The following GALNTL6 variants were observed in gnomAD, a reference collection of about 807,000 sequenced individuals.
GALNTL6 encodes polypeptide N-acetylgalactosaminyltransferase like 6, also known as polypeptide N-acetylgalactosaminyltransferase-like 6.
A neutral mutation model predicts 73.7 loss-of-function variants in GALNTL6; 46 were observed. The observed-to-expected ratio is 0.62, with a 90% CI of 0.49 to 0.80. The LOEUF (loss-of-function observed/expected upper bound fraction) is 0.80. GALNTL6 is among the 30% of genes least tolerant of loss of function. The pLI, the probability that GALNTL6 is intolerant of heterozygous loss-of-function variation, is 0.00. For synonymous variants in GALNTL6, 259 were observed against 263.7 expected (o/e 0.98, Z 0.17); for missense variants, 604 against 755.0 (o/e 0.80, Z 2.34).
At chr4:172,413,660 T>C (rs1243548000) in intron 5 of GALNTL6, among the ~76,000 whole-genome samples, 1 of 151,600 alleles carries the variant, frequency 6.6e-6, no homozygotes, top group East Asian at 1.9e-4. Flanking sequence ...TATTAGTTTT[T>C]TTTTTTTTTT....
chr4:172,544,231 C>T (rs1479167695), intron 5 of GALNTL6, among the ~76,000 whole-genome samples: 2 of 151,930 alleles, frequency 1.3e-5, no homozygotes, highest in African/African-American at 4.8e-5. Context: ...TTCCATGTCT[C>T]CTTGCCTCTT....
intron 5 of GALNTL6, among the ~76,000 whole-genome samples, chr4:172,664,134 G>T (rs1731534124): frequency 1.3e-5 from 2 of 152,068 alleles, no homozygotes; most frequent in Non-Finnish European, 2.9e-5. Context: ...TACTACCTTA[G>T]GCACAGAGAA....
chr4:172,003,538 C>A (rs1006000393), intron 2 of GALNTL6, among the ~76,000 whole-genome samples: 3 of 152,064 alleles, frequency 2.0e-5, no homozygotes, highest in African/African-American at 7.2e-5. Flanking sequence ...ATTCTCTAAG[C>A]TTTAGTCAAG....
chr4:171,845,166 G>A (rs1016956315), intron 2 of GALNTL6, among the ~76,000 whole-genome samples: 1 of 152,148 alleles, frequency 6.6e-6, no homozygotes, highest in African/African-American at 2.4e-5. Context: ...TCTGTTCAAA[G>A]CTGATACTTC....
At chr4:172,904,817 A>G (rs2111248127) in intron 8 of GALNTL6, among the ~76,000 whole-genome samples, 1 of 152,302 alleles carries the variant, frequency 6.6e-6, no homozygotes, top group South Asian at 2.1e-4. Context: ...TTGATGTGGC[A>G]CAAAAAACAA....
At chr4:172,297,459 G>C (rs558621710) in intron 3 of GALNTL6, among the ~76,000 whole-genome samples, 1 of 152,130 alleles carries the variant, frequency 6.6e-6, no homozygotes, top group Admixed American at 6.5e-5. Flanking sequence ...GTATTGCCTA[G>C]GTTTTCTTCT....
intron 2 of GALNTL6, among the ~76,000 whole-genome samples, chr4:172,121,257 T>TTTTG (rs1471683292): frequency 7.0e-6 from 1 of 142,372 alleles, no homozygotes; most frequent in Non-Finnish European, 1.5e-5. Flanking sequence ...TCAAGAAGCA[T>TTTTG]TGTGTGTGTG....
intron 2 of GALNTL6, among the ~76,000 whole-genome samples, chr4:171,935,615 A>G (rs1656399861): frequency 6.6e-6 from 1 of 152,188 alleles, no homozygotes; most frequent in Non-Finnish European, 1.5e-5. Flanking sequence ...GACCACAGCG[A>G]CATGCCACCA....
intron 10 of GALNTL6, among the ~76,000 whole-genome samples, chr4:172,995,682 C>G (rs1046370601): frequency 6.6e-6 from 1 of 152,192 alleles, no homozygotes; most frequent in African/African-American, 2.4e-5. Flanking sequence ...ATTTACTTAT[C>G]TGAGTTTTGT....
intron 5 of GALNTL6, among the ~76,000 whole-genome samples, chr4:172,763,851 A>G (rs1738250785): frequency 6.6e-6 from 1 of 152,262 alleles, no homozygotes. Context: ...TTTTAAAAAT[A>G]TAAGCCACAC....
chr4:173,016,000 G>T (rs375110076), intron 11 of GALNTL6, among the ~76,000 whole-genome samples: 1 of 152,222 alleles, frequency 6.6e-6, no homozygotes, highest in African/African-American at 2.4e-5. Flanking sequence ...TGGCTAAAAG[G>T]TGCCAAGGTA....
chr4:172,126,703 A>G (rs1733305700), intron 2 of GALNTL6, among the ~76,000 whole-genome samples: 1 of 152,150 alleles, frequency 6.6e-6, no homozygotes, highest in Non-Finnish European at 1.5e-5. Flanking sequence ...ACACAAAGGC[A>G]TTGCTCAAGA....
chr4:172,994,856 T>G (rs938207813), intron 10 of GALNTL6, among the ~76,000 whole-genome samples: 4 of 152,172 alleles, frequency 2.6e-5, no homozygotes, highest in African/African-American at 7.2e-5. Flanking sequence ...TCCCATGATT[T>G]TGATTGCAGG....
chr4:173,021,063 A>G (rs1752969782), intron 11 of GALNTL6, among the ~76,000 whole-genome samples: 1 of 151,080 alleles, frequency 6.6e-6, no homozygotes, highest in Non-Finnish European at 1.5e-5. Context: ...ACAGGGTGAG[A>G]CTCTGTCTGA....
chr4:172,567,138 G>A (rs574225961), intron 5 of GALNTL6, among the ~76,000 whole-genome samples: 37 of 151,878 alleles, frequency 2.4e-4, no homozygotes, highest in South Asian at 2.3e-3. Context: ...GTCAGATGCA[G>A]CCCCCTAGAT....
At chr4:172,647,793 AT>A (rs1379194198) in intron 5 of GALNTL6, among the ~76,000 whole-genome samples, 7 of 152,088 alleles carry the variant, frequency 4.6e-5, no homozygotes, top group African/African-American at 1.7e-4. Context: ...TTTTTTCATG[AT>A]TGCCAAAGGA....
At chr4:171,978,986 A>G (rs1242630699) in intron 2 of GALNTL6, among the ~76,000 whole-genome samples, 2 of 152,202 alleles carry the variant, frequency 1.3e-5, no homozygotes, top group Non-Finnish European at 2.9e-5. Flanking sequence ...TTATTATACA[A>G]AATGTGTCCC....
intron 5 of GALNTL6, among the ~76,000 whole-genome samples, chr4:172,441,969 A>G (rs892630220): frequency 6.6e-6 from 1 of 152,138 alleles, no homozygotes. Context: ...CAGTCACATT[A>G]TCCAGCATCA....
At chr4:172,290,485 T>G (rs183704208) in intron 3 of GALNTL6, among the ~76,000 whole-genome samples, 1 of 152,264 alleles carries the variant, frequency 6.6e-6, no homozygotes, top group East Asian at 1.9e-4. Context: ...CACCTAGCCC[T>G]TAGGTTTGCC....
Sources: gnomAD v4.1 joint callset for allele counts (sites outside exome capture counted in the v4.1 genomes callset) on GRCh38, gnomAD v4.1.1 for gene constraint, MANE v1.5 for transcripts, NCBI Gene and HGNC (gene_info 2026-07-23, HGNC 2026-07-21) for gene names.